Variants in ADAM12 observed in about 807,000 individuals in gnomAD.
ADAM12 encodes the protein ADAM metallopeptidase domain 12.
In ADAM12, 70 loss-of-function variants were observed where a neutral mutation model predicts 106.4. The ratio of observed to expected loss-of-function variants is 0.66; its 90% CI spans 0.54 to 0.80. ADAM12 has a LOEUF of 0.80. ADAM12 is among the 30% of genes least tolerant of loss of function. ADAM12 has a pLI of 0.00. For missense variants in ADAM12, 1,010 were observed against 1,171.9 expected (o/e 0.86, Z 2.02); for synonymous variants, 420 against 433.5 (o/e 0.97, Z 0.39).
At chr10:126,077,807 A>C (rs116081100) in intron 11 of ADAM12, among the ~76,000 whole-genome samples, 2,020 of 151,990 alleles carry the variant, frequency 0.013, 44 homozygotes, top group African/African-American at 0.046. Flanking sequence ...TTATTCCCCC[A>C]CCTTTTTATT....
intron 1 of ADAM12, among the ~76,000 whole-genome samples, chr10:126,353,097 C>A (rs988873871): frequency 6.6e-6 from 1 of 152,194 alleles, no homozygotes; most frequent in South Asian, 2.1e-4. Context: ...CTCCTGCATA[C>A]CAAATGCAGC....
rs71029289 is a variant in ADAM12, at chr10:126,131,104, C to CTTTTTT, written c.416+4474_416+4479dup. ...AGTGTCCCTGGCTCTCAGCTGTCTT[C>CTTTTTT]TTTTTTTTTTTTTTTTTTTTTTTTT... On this transcript the variant is annotated intron_variant, in intron 5 of 22. Transcript: ENST00000448723. Among the ~76,000 whole-genome samples, 257 of 100,880 alleles carry CTTTTTT rather than the reference C, an allele frequency of 2.5e-3. 24 individuals carry two copies. The highest frequency in any genetic ancestry group is 9.1e-3 in the African/African-American group (240 of 26,394). The allele number at this position is 100,880 out of a possible 152,430, so 66.2% of individuals were successfully genotyped here. A position where few individuals can be genotyped will look rare whatever the true frequency, so the allele number is the denominator to read the frequency against.
chr10:126,056,153 G>A (rs1453545094), intron 14 of ADAM12, among the ~76,000 whole-genome samples: 5 of 152,190 alleles, frequency 3.3e-5, no homozygotes, highest in African/African-American at 1.2e-4. Flanking sequence ...CCTCCAGGAA[G>A]GCAATAACGG....
chr10:126,015,539 A>ACCCAGC lies in ADAM12; in HGVS notation c.*1739_*1740insGCTGGG, dbSNP rs1467267471. On this transcript the variant is annotated 3_prime_UTR_variant, in exon 23 of 23. Coordinates refer to ENST00000448723, the MANE Select transcript of ADAM12 (RefSeq NM_001288973.2). ...ACAGATGCATGCTATACGAGTTGGA[A>ACCCAGC]TGTATTAGAGCTGGGTTCCCTTTTG... 6.6e-6 allele frequency: 1 copy of ACCCAGC among 152,176 alleles called. No individual in the cohort carries two copies. Among genetic ancestry groups the ACCCAGC allele is most frequent in the Admixed American group, 6.5e-5 (1 of 15,270 alleles). 9.4% of individuals were successfully genotyped at this position (152,176 alleles called of 1,614,324 possible). A position where few individuals can be genotyped will look rare whatever the true frequency, so the allele number is the denominator to read the frequency against.
intron 5 of ADAM12, among the ~76,000 whole-genome samples, chr10:126,129,682 A>T (rs564212325): frequency 6.6e-6 from 1 of 152,360 alleles, no homozygotes; most frequent in South Asian, 2.1e-4. Context: ...TCGATGGGAG[A>T]CATACGATAC....
At chr10:126,222,156 AG>A (rs1365909421) in intron 3 of ADAM12, among the ~76,000 whole-genome samples, 3 of 152,230 alleles carry the variant, frequency 2.0e-5, no homozygotes, top group Non-Finnish European at 4.4e-5. Flanking sequence ...ACTCAGTTAC[AG>A]GGACTGCTCA....
intron 18 of ADAM12, among the ~76,000 whole-genome samples, chr10:126,039,968 A>G (rs181552077): frequency 1.3e-5 from 2 of 152,382 alleles, no homozygotes; most frequent in Admixed American, 6.5e-5. Context: ...ACTCATTTAA[A>G]TGAAACACCC....
chr10:126,110,059 A>T (rs1239446626), intron 6 of ADAM12, among the ~76,000 whole-genome samples: 1 of 152,110 alleles, frequency 6.6e-6, no homozygotes, highest in Non-Finnish European at 1.5e-5. Flanking sequence ...CACTTGGAAA[A>T]CCCTTAAAAA....
At chr10:126,019,606 A>C in intron 22 of ADAM12, 89 bp downstream of exon 22, 1 of 1,520,502 alleles carries the variant, frequency 6.6e-7, no homozygotes, top group Non-Finnish European at 8.9e-7. Context: ...GGCCTAGACC[A>C]CTGCACCCCT....
chr10:126,300,975 A>T (rs965039214), intron 2 of ADAM12, among the ~76,000 whole-genome samples: 1 of 152,242 alleles, frequency 6.6e-6, no homozygotes, highest in Non-Finnish European at 1.5e-5. Flanking sequence ...CGACTTAAAT[A>T]GGTTGGTTGA....
At chr10:126,119,372 C>T (rs1377877039) in intron 5 of ADAM12, among the ~76,000 whole-genome samples, 2 of 152,164 alleles carry the variant, frequency 1.3e-5, no homozygotes, top group Non-Finnish European at 2.9e-5. Flanking sequence ...CGAGTCAAAA[C>T]GCTTAGCCCA....
At chr10:126,207,949 A>G (rs1957826247) in intron 3 of ADAM12, among the ~76,000 whole-genome samples, 1 of 152,234 alleles carries the variant, frequency 6.6e-6, no homozygotes, top group South Asian at 2.1e-4. Flanking sequence ...GCAAGGAACA[A>G]CATATTTCAA....
intron 3 of ADAM12, among the ~76,000 whole-genome samples, chr10:126,252,371 G>A (rs1327139166): frequency 6.6e-6 from 1 of 152,132 alleles, no homozygotes; most frequent in Admixed American, 6.5e-5. Context: ...GAATAAGAAG[G>A]CCCATGATAC....
intron 5 of ADAM12, among the ~76,000 whole-genome samples, chr10:126,123,534 G>T (rs949793243): frequency 6.6e-6 from 1 of 152,208 alleles, no homozygotes; most frequent in South Asian, 2.1e-4. Context: ...CAGAGAGAAG[G>T]GGGTTCTCAG....
At chr10:126,186,834 G>A (rs1174516843) in intron 3 of ADAM12, among the ~76,000 whole-genome samples, 1 of 152,180 alleles carries the variant, frequency 6.6e-6, no homozygotes, top group Non-Finnish European at 1.5e-5. Flanking sequence ...ATTTCTGCAG[G>A]ATGGACAGCG....
At chr10:126,264,708 G>A (rs1384080605) in intron 3 of ADAM12, among the ~76,000 whole-genome samples, 3 of 152,136 alleles carry the variant, frequency 2.0e-5, no homozygotes, top group Non-Finnish European at 4.4e-5. Context: ...GCCTGCTTGT[G>A]AATGAAACGT....
chr10:126,115,454 T>C (rs1301116434), intron 6 of ADAM12, among the ~76,000 whole-genome samples: 2 of 152,198 alleles, frequency 1.3e-5, no homozygotes, highest in Non-Finnish European at 2.9e-5. Context: ...ACGAGCTGAC[T>C]GTGACGCTCC....
At chr10:126,165,455 C>G (rs1052805328) in intron 3 of ADAM12, among the ~76,000 whole-genome samples, 9 of 152,254 alleles carry the variant, frequency 5.9e-5, no homozygotes, top group Non-Finnish European at 1.0e-4. Context: ...CGGTGCCCAG[C>G]CGGGGGCATT....
chr10:126,203,752 TA>T (rs758327906), intron 3 of ADAM12, among the ~76,000 whole-genome samples: 2 of 152,228 alleles, frequency 1.3e-5, no homozygotes, highest in East Asian at 3.9e-4. Context: ...CAGAACTATT[TA>T]AAAAAATAAG....
Sources: gnomAD v4.1 joint callset for allele counts (sites outside exome capture counted in the v4.1 genomes callset) on GRCh38, gnomAD v4.1.1 for gene constraint, MANE v1.5 for transcripts, NCBI Gene and HGNC (gene_info 2026-07-23, HGNC 2026-07-21) for gene names.